The following SCFD2 variants were observed in gnomAD, a reference collection of about 807,000 sequenced individuals.
SCFD2 encodes the protein sec1 family domain containing 2, also known as sec1 family domain-containing protein 2.
In SCFD2, 54 loss-of-function variants were observed where a neutral mutation model predicts 58.9. The observed-to-expected ratio is 0.92, with a 90% confidence interval of 0.74 to 1.15. The LOEUF (loss-of-function observed/expected upper bound fraction) is 1.15, where lower values mean the gene tolerates loss of function less well. SCFD2 is among the 50% of genes most tolerant of loss of function. The pLI, the probability that SCFD2 is intolerant of heterozygous loss-of-function variation, is 0.00. For synonymous variants in SCFD2, 321 were observed against 335.9 expected, an observed-to-expected ratio of 0.96 and a Z score of 0.49; for missense variants, 805 against 836.6, an observed-to-expected ratio of 0.96 and a Z score of 0.47.
At position 53,277,215 on chromosome 4, in the gene SCFD2, C is replaced by A. The variant is rs139871125; in HGVS notation, c.1136-3214G>T. Among the ~76,000 whole-genome samples, 13 of 152,290 alleles carry A rather than the reference C, an allele frequency of 8.5e-5. No homozygotes were observed. In the East Asian group the frequency reaches 2.5e-3, roughly 29 times the overall value. ...ATCTCCTAATTAATTCAGCCTCTTA[C>A]GTGTCATTCTCTCTAAAGGGATAGG... is the stretch of plus-strand genomic sequence containing the variant. On this transcript the variant is annotated intron_variant, in intron 3 of 8. Coordinates refer to ENST00000401642, the MANE Select transcript of SCFD2 (RefSeq NM_152540.4).
Position 52,937,556 on chromosome 4 carries a change from G to A in SCFD2, c.1562-16686C>T, listed in dbSNP as rs116871343. ...TTCAATGTCTCCTCCATCCCTTCCC[G>A]ACAGTAAGAACATGATGAAATTCAG... On this transcript the variant is annotated intron_variant, in intron 5 of 8. Coordinates refer to ENST00000401642, the MANE Select transcript of SCFD2 (RefSeq NM_152540.4). Among the ~76,000 whole-genome samples the A allele has an allele frequency of 2.3e-4, 35 of 152,206 alleles. No homozygotes were observed. In the East Asian group the frequency reaches 6.4e-3, roughly 28 times the overall value.
chr4:53,218,996 G>T (rs1728957036), intron 4 of SCFD2, among the ~76,000 whole-genome samples: 1 of 152,206 alleles, frequency 6.6e-6, no homozygotes, highest in South Asian at 2.1e-4. Context: ...CGTTCCTCTG[G>T]AAGCTTCAGC....
At chr4:53,058,301 T>C (rs1429905557) in intron 5 of SCFD2, among the ~76,000 whole-genome samples, 2 of 152,066 alleles carry the variant, frequency 1.3e-5, no homozygotes, top group Non-Finnish European at 2.9e-5. Context: ...CCCCAACTCA[T>C]ATAGGCATAA....
intron 2 of SCFD2, among the ~76,000 whole-genome samples, chr4:53,338,009 G>T (rs983121548): frequency 1.3e-5 from 2 of 152,170 alleles, no homozygotes; most frequent in African/African-American, 4.8e-5. Context: ...GAAAACAGAA[G>T]TTCAGATTGA....
intron 4 of SCFD2, among the ~76,000 whole-genome samples, chr4:53,146,705 G>A (rs748414757): frequency 1.6e-4 from 24 of 152,150 alleles, no homozygotes; most frequent in Admixed American, 9.2e-4. Flanking sequence ...TCACTTACCT[G>A]TGGTCCAAAA....
At chr4:53,196,532 C>T (rs1728061987) in intron 4 of SCFD2, among the ~76,000 whole-genome samples, 1 of 152,114 alleles carries the variant, frequency 6.6e-6, no homozygotes, top group South Asian at 2.1e-4. Flanking sequence ...AGGCAAAGAC[C>T]ATTCGCGAGA....
chr4:53,306,746 G>C (rs1732529082), intron 3 of SCFD2, among the ~76,000 whole-genome samples: 1 of 152,200 alleles, frequency 6.6e-6, no homozygotes, highest in Non-Finnish European at 1.5e-5. Flanking sequence ...TCCATAAAAA[G>C]AGCTGTGTGT....
rs76741573 is a variant in SCFD2 at position 52,969,691 on chromosome 4, G to A, written c.1562-48821C>T. 5.6e-3 allele frequency among the ~76,000 whole-genome samples: 848 copies of A among 152,266 alleles called. 9 individuals carry two copies. The highest frequency in any genetic ancestry group is 0.047 in the South Asian group (226 of 4,824). ...GTGTCCTGATGAGGTCTGACCCCTT[G>A]GGCCTGAGGAGGAGTGACTATGATA... On this transcript the variant is annotated intron_variant, in intron 5 of 8. Coordinates refer to ENST00000401642, the MANE Select transcript of SCFD2 (RefSeq NM_152540.4).
At chr4:53,199,100 G>C (rs1728147819) in intron 4 of SCFD2, among the ~76,000 whole-genome samples, 1 of 152,032 alleles carries the variant, frequency 6.6e-6, no homozygotes, top group East Asian at 1.9e-4. Flanking sequence ...TAACTAGTTT[G>C]AGGGGCCAAG....
intron 5 of SCFD2, among the ~76,000 whole-genome samples, chr4:53,119,300 AG>A (rs1317854970): frequency 6.8e-6 from 1 of 147,950 alleles, no homozygotes. Context: ...CTTGGGCAAC[AG>A]AGCGAGACTC....
At chr4:53,018,628 C>T (rs960998229) in intron 5 of SCFD2, among the ~76,000 whole-genome samples, 23 of 152,154 alleles carry the variant, frequency 1.5e-4, no homozygotes, top group South Asian at 4.1e-4. Context: ...GCAATTTTCA[C>T]GCTTGGAGTT....
chr4:53,164,804 A>AAAAAG (rs1553882340), intron 4 of SCFD2, among the ~76,000 whole-genome samples: 7,813 of 143,286 alleles, frequency 0.055, 430 homozygotes, highest in South Asian at 0.14. Flanking sequence ...AAAAAAAAAA[A>AAAAAG]AAGAAGAAGA....
At chr4:53,000,956 C>T (rs1246306456) in intron 5 of SCFD2, among the ~76,000 whole-genome samples, 1 of 152,186 alleles carries the variant, frequency 6.6e-6, no homozygotes, top group African/African-American at 2.4e-5. Flanking sequence ...AAGGATCTAG[C>T]ATTCTTCTAG....
chr4:53,115,786 A>G (rs116178465), intron 5 of SCFD2, among the ~76,000 whole-genome samples: 1,732 of 152,312 alleles, frequency 0.011, 18 homozygotes, highest in Middle Eastern at 0.034. Flanking sequence ...ACTCTCTTCA[A>G]TAGATTTAGA....
intron 5 of SCFD2, among the ~76,000 whole-genome samples, chr4:53,059,273 T>C (rs557829887): frequency 2.0e-5 from 3 of 152,156 alleles, no homozygotes; most frequent in Non-Finnish European, 4.4e-5. Context: ...AGAGGTGTCA[T>C]TAGCCCTATT....
intron 4 of SCFD2, among the ~76,000 whole-genome samples, chr4:53,254,018 C>G (rs190325536): frequency 2.2e-3 from 327 of 151,978 alleles, no homozygotes; most frequent in Non-Finnish European, 4.1e-3. Context: ...CACATATTCT[C>G]ACTTATAAGT....
intron 5 of SCFD2, chr4:52,948,218 G>A (rs1318540822): frequency 4.0e-6 from 1 of 248,044 alleles, no homozygotes; most frequent in Non-Finnish European, 8.1e-6. Context: ...AACACAGCAA[G>A]TGCTCTGTTA....
In SCFD2 at chr4:53,130,006, T is replaced by C. The variant is rs1381849831; in HGVS notation, c.1561+15327A>G. ...TAGTTTACATTTTATTCTGTGTTTA[T>C]TAAAGAGCAAAAGATCACACTGAAA... On this transcript the variant is annotated intron_variant, in intron 5 of 8. Transcript: ENST00000401642. Among the ~76,000 whole-genome samples, 58 of 152,206 alleles carry C rather than the reference T, an allele frequency of 3.8e-4. 1 individual carries two copies.
chr4:53,244,734 T>G (rs745900766), intron 4 of SCFD2, among the ~76,000 whole-genome samples: 16 of 148,958 alleles, frequency 1.1e-4, no homozygotes, highest in Middle Eastern at 3.5e-3. Context: ...AGACAAGAAA[T>G]AAGCAAAATC....
Sources: allele counts gnomAD v4.1 joint callset (sites outside exome capture counted in the v4.1 genomes callset), GRCh38; gene constraint gnomAD v4.1.1; transcripts MANE v1.5; gene names NCBI Gene and HGNC (gene_info 2026-07-23, HGNC 2026-07-21).